IKZF2: variants seen among roughly 807,000 people sequenced by gnomAD.
IKZF2 encodes the protein IKAROS family zinc finger 2.
IKZF2 carries 15 observed loss-of-function variants against 49.2 expected under a neutral mutation model. That is an observed-to-expected ratio of 0.30 (90% CI 0.20 to 0.47). IKZF2 has a LOEUF of 0.47. IKZF2 is among the 20% of genes least tolerant of loss of function. The pLI, the probability that IKZF2 is intolerant of heterozygous loss-of-function variation, is 1.00. For synonymous variants in IKZF2, 227 were observed against 221.4 expected (o/e 1.03, Z -0.23); for missense variants, 567 against 664.6 (o/e 0.85, Z 1.61).
chr2:213,054,017 C>T (rs1486104946), intron 5 of IKZF2, among the ~76,000 whole-genome samples: 1 of 152,086 alleles, frequency 6.6e-6, no homozygotes, highest in Non-Finnish European at 1.5e-5. Context: ...CTTTGAGAGG[C>T]TAGGGTGGGT....
chr2:213,137,026 C>T (rs2060700964), intron 4 of IKZF2, among the ~76,000 whole-genome samples: 2 of 151,912 alleles, frequency 1.3e-5, no homozygotes, highest in South Asian at 2.1e-4. Context: ...CAAATGCATC[C>T]CCAAAACTTT....
intron 7 of IKZF2, among the ~76,000 whole-genome samples, chr2:213,017,888 T>C (rs1696787756): frequency 6.6e-6 from 1 of 152,146 alleles, no homozygotes; most frequent in Non-Finnish European, 1.5e-5. Flanking sequence ...GTGTCTCTAA[T>C]ACCTTTTATG....
intron 5 of IKZF2, among the ~76,000 whole-genome samples, chr2:213,052,457 A>G (rs954548279): frequency 8.5e-5 from 13 of 152,060 alleles, no homozygotes; most frequent in Non-Finnish European, 7.4e-5. Flanking sequence ...GTCTTGATAG[A>G]TGCTTTTTAC....
chr2:213,009,291 T>C (rs1276847077), intron 8 of IKZF2, among the ~76,000 whole-genome samples: 2 of 152,138 alleles, frequency 1.3e-5, no homozygotes, highest in Non-Finnish European at 2.9e-5. Flanking sequence ...ACGGGAAAAG[T>C]AGTTTTGATT....
intron 7 of IKZF2, among the ~76,000 whole-genome samples, chr2:213,015,788 T>C (rs1428533415): frequency 6.6e-6 from 1 of 151,580 alleles, no homozygotes; most frequent in South Asian, 2.1e-4. Context: ...AAAAAAAAAA[T>C]GTTGTTGTAA....
rs537697498 is a variant in IKZF2, at chr2:213,078,129, A to C, written c.140-21030T>G. ...TAAACAGATTATGTGTCCTTTAAAA[A>C]AAACAATTCATGAATACAAAGATTT... is the stretch of plus-strand genomic sequence containing the variant. On this transcript the variant is annotated intron_variant, in intron 4 of 8. Coordinates refer to ENST00000434687, the MANE Select transcript of IKZF2 (RefSeq NM_001387220.1). Among the ~76,000 whole-genome samples, 3 of 151,886 alleles carry C rather than the reference A, an allele frequency of 2.0e-5. No homozygotes were observed. In the South Asian group the frequency reaches 6.2e-4, roughly 31 times the overall value.
rs1401602798 is a variant in IKZF2, at chr2:213,000,273, TC to T, written c.*7086del. 2.7e-5 allele frequency: 4 copies of T among 147,664 alleles called. No homozygotes were observed. The highest frequency in any genetic ancestry group is 6.0e-5 in the Non-Finnish European group (4 of 66,756). 9.1% of individuals were successfully genotyped at this position (147,664 alleles called of 1,614,324 possible). Reference sequence around the variant, plus strand: ...ATATTTATATATATATATATATATTTCTTTTTTAAACAATAGTTTTTATTTC... The same window carrying T: ...ATATTTATATATATATATATATATTTTTTTTTAAACAATAGTTTTTATTTC... On this transcript the variant is annotated 3_prime_UTR_variant, in exon 9 of 9. Transcript: ENST00000434687.
chr2:213,024,977 T>C (rs1233097765), intron 6 of IKZF2, among the ~76,000 whole-genome samples: 9 of 152,056 alleles, frequency 5.9e-5, no homozygotes, highest in Non-Finnish European at 8.8e-5. Context: ...ATTTTTATAA[T>C]AGTTATTATT....
intron 4 of IKZF2, among the ~76,000 whole-genome samples, chr2:213,142,554 G>T (rs1343826224): frequency 1.3e-5 from 2 of 151,878 alleles, no homozygotes; most frequent in East Asian, 3.9e-4. Context: ...TGCATGTATT[G>T]CCTTATTGAA....
In IKZF2 at chr2:213,003,304, T is replaced by C. The variant is rs1695056376; in HGVS notation, c.*4056A>G. Reference sequence around the variant, plus strand: ...TGCAGAAACTGGAGAATTAAAAATATGTCTAAGATAACTTTCATATACACA... The same window carrying C: ...TGCAGAAACTGGAGAATTAAAAATACGTCTAAGATAACTTTCATATACACA... On this transcript the variant is annotated 3_prime_UTR_variant, in exon 9 of 9. Coordinates refer to ENST00000434687, the MANE Select transcript of IKZF2 (RefSeq NM_001387220.1). The C allele has an allele frequency of 6.6e-6, 1 of 152,074 alleles. No individual in the cohort carries two copies. The highest frequency in any genetic ancestry group is 6.6e-5 in the Admixed American group (1 of 15,188). The allele number at this position is 152,074 out of a possible 1,614,324, so 9.4% of individuals were successfully genotyped here.
chr2:213,029,084 A>G (rs2125163219), intron 6 of IKZF2, among the ~76,000 whole-genome samples: 1 of 152,072 alleles, frequency 6.6e-6, no homozygotes, highest in Admixed American at 6.6e-5. Flanking sequence ...AATTTTAAGG[A>G]CTTTTGCATC....
intron 4 of IKZF2, among the ~76,000 whole-genome samples, chr2:213,124,348 G>A (rs570854730): frequency 3.7e-4 from 56 of 151,076 alleles, no homozygotes; most frequent in African/African-American, 1.3e-3. Context: ...TGATTTTACA[G>A]GCAAAAAGCA....
intron 4 of IKZF2, among the ~76,000 whole-genome samples, chr2:213,072,127 T>C (rs957223025): frequency 7.9e-5 from 12 of 152,108 alleles, no homozygotes; most frequent in Non-Finnish European, 1.8e-4. Flanking sequence ...CACTTGTCAG[T>C]TCTGTTTTGA....
At chr2:213,029,533 T>C (rs2125166695) in intron 6 of IKZF2, among the ~76,000 whole-genome samples, 1 of 152,192 alleles carries the variant, frequency 6.6e-6, no homozygotes, top group African/African-American at 2.4e-5. Context: ...TGTGTTCTTT[T>C]AATATTGATT....
intron 6 of IKZF2, among the ~76,000 whole-genome samples, chr2:213,031,397 T>C (rs890530497): frequency 1.3e-5 from 2 of 152,118 alleles, no homozygotes; most frequent in African/African-American, 2.4e-5. Flanking sequence ...CCAGGAAAAA[T>C]TGTATATAAA....
rs1169113819 is a variant in IKZF2, at chr2:212,999,995, A to C, written c.*7365T>G. The C allele has an allele frequency of 1.3e-5, 2 of 152,002 alleles. No individual in the cohort carries two copies. The highest frequency in any genetic ancestry group is 4.8e-5 in the African/African-American group (2 of 41,364). The allele number at this position is 152,002 out of a possible 1,614,324, so 9.4% of individuals were successfully genotyped here. A position where few individuals can be genotyped will look rare whatever the true frequency, so the allele number is the denominator to read the frequency against. On this transcript the variant is annotated 3_prime_UTR_variant, in exon 9 of 9. Transcript: ENST00000434687. ...ATATACACAGTAACCACATACATGC[A>C]CAGAACATGTATGTGTGTGCATTAA...
intron 4 of IKZF2, among the ~76,000 whole-genome samples, chr2:213,120,827 A>G (rs894971693): frequency 1.3e-5 from 2 of 152,042 alleles, no homozygotes; most frequent in African/African-American, 2.4e-5. Flanking sequence ...TGCAGCCTCA[A>G]CCTCCTGGGT....
intron 6 of IKZF2, among the ~76,000 whole-genome samples, chr2:213,039,352 C>CATAT (rs146082438): frequency 2.0e-5 from 3 of 149,704 alleles, no homozygotes; most frequent in African/African-American, 7.3e-5. Flanking sequence ...AAAGATAGTC[C>CATAT]ATATATATAT....
Position 213,148,626 on chromosome 2 carries a change from CCATAGT to C in IKZF2, c.-3_3del. 1 of 1,611,892 alleles carries C rather than the reference CCATAGT, an allele frequency of 6.2e-7. No individual in the cohort carries two copies. Among genetic ancestry groups the C allele is most frequent in the Non-Finnish European group, 8.5e-7 (1 of 1,178,146 alleles). On this transcript the variant is annotated start_lost and 5_prime_UTR_variant, in exon 3 of 9. Transcript: ENST00000434687. ...ATATAGCCATCAATAGCCTCTGTTTCCATAGTCAAAGTGCAATGCTGCAAAACAAAA... is the reference window on the plus strand; with the variant it reads ...ATATAGCCATCAATAGCCTCTGTTTCCAAAGTGCAATGCTGCAAAACAAAA...
Sources: gnomAD v4.1 joint callset for allele counts (sites outside exome capture counted in the v4.1 genomes callset) on GRCh38, gnomAD v4.1.1 for gene constraint, MANE v1.5 for transcripts, NCBI Gene and HGNC (gene_info 2026-07-23, HGNC 2026-07-21) for gene names.